PTPN5: variants seen among roughly 807,000 people sequenced by gnomAD.
PTPN5 encodes the protein tyrosine-protein phosphatase non-receptor type 5.
A neutral mutation model predicts 73.9 loss-of-function variants in PTPN5; 29 were observed. The ratio of observed to expected loss-of-function variants is 0.39; its 90% CI spans 0.29 to 0.54. The LOEUF (loss-of-function observed/expected upper bound fraction) is 0.54, where lower values mean the gene tolerates loss of function less well. Among genes scored for constraint, PTPN5 ranks in the 20% least tolerant of loss-of-function variants. The pLI is 0.65. For synonymous variants in PTPN5, 267 were observed against 304.7 expected (o/e 0.88, Z 1.29); for missense variants, 652 against 751.4 (o/e 0.87, Z 1.55).
intron 1 of PTPN5, among the ~76,000 whole-genome samples, chr11:18,785,319 T>C (rs1374219433): frequency 6.6e-6 from 1 of 152,200 alleles, no homozygotes; most frequent in Non-Finnish European, 1.5e-5. Flanking sequence ...TTATTGACTA[T>C]GTGCAACAAT....
chr11:18,786,819 T>C (rs139067201), intron 1 of PTPN5, among the ~76,000 whole-genome samples: 8 of 152,326 alleles, frequency 5.3e-5, no homozygotes, highest in African/African-American at 1.9e-4. Flanking sequence ...GAAGCATTTA[T>C]ATGTCTATAA....
Position 18,742,936 on chromosome 11 carries a change from C to T in PTPN5, c.483+56G>A. The T allele has an allele frequency of 8.6e-7, 1 of 1,168,294 alleles. No homozygotes were observed. Among genetic ancestry groups the T allele is most frequent in the Non-Finnish European group, 1.3e-6 (1 of 798,880 alleles). 72.4% of individuals were successfully genotyped at this position (1,168,294 alleles called of 1,614,324 possible). ...AGTCAGATGGGAGCTGGTAGAAATC[C>T]AGGCCTCAAGGTCAGAGGAGGACAG... On this transcript the variant is annotated intron_variant, in intron 6 of 14. Transcript: ENST00000358540. The surrounding 1 kb of genome is among the most constrained non-coding windows in gnomAD (Gnocchi z 4.1).
intron 1 of PTPN5, 80 bp from the exon 2 acceptor site, chr11:18,772,151 A>T: frequency 1.9e-6 from 1 of 537,432 alleles, no homozygotes; most frequent in South Asian, 2.7e-5. Context: ...TCAGGTAGTT[A>T]AAATCCTGAT....
At position 18,742,552 on chromosome 11, in the gene PTPN5, C is replaced by G. The variant is rs779786567; in HGVS notation, c.484-49G>C. The G allele has an allele frequency of 3.9e-5, 63 of 1,599,584 alleles. No individual in the cohort carries two copies. Among genetic ancestry groups the G allele is most frequent in the Non-Finnish European group, 5.2e-5 (61 of 1,175,652 alleles). ...AGATTTCGGACCACGCTGGCTGCCC[C>G]CCGTGTTCCTGGAGTGCCCATGGGA... On this transcript the variant is annotated intron_variant, in intron 6 of 14. Coordinates refer to ENST00000358540, the MANE Select transcript of PTPN5 (RefSeq NM_006906.2). The surrounding 1 kb of genome is among the most constrained non-coding windows in gnomAD (Gnocchi z 4.1).
intron 3 of PTPN5, among the ~76,000 whole-genome samples, chr11:18,761,924 G>C (rs1044506334): frequency 2.0e-4 from 30 of 152,230 alleles, no homozygotes; most frequent in African/African-American, 5.8e-4. Context: ...GTGTGAGACA[G>C]AGGCAGGCCA....
At chr11:18,743,236 G>C in intron 5 of PTPN5, 86 bp downstream of exon 5, 2 of 1,370,362 alleles carry the variant, frequency 1.5e-6, no homozygotes, top group South Asian at 2.3e-5. Flanking sequence ...TGAACTCAGA[G>C]AAGCCCAATC....
upstream of PTPN5, chr11:18,792,499 T>C (rs1851970395): frequency 6.6e-6 from 1 of 152,560 alleles, no homozygotes. Context: ...ACGCACCTGT[T>C]TTGGTTTTCT....
At position 18,739,469 on chromosome 11, in the gene PTPN5, G is replaced by A. The variant is rs1194169699; in HGVS notation, c.915+1134C>T. Reference sequence around the variant, plus strand: ...CAGTTTGAAGTGGACAGTCCCTGCAGGGGTGGGGCATGGGGCATAAGGCTG... The same window carrying A: ...CAGTTTGAAGTGGACAGTCCCTGCAAGGGTGGGGCATGGGGCATAAGGCTG... On this transcript the variant is annotated intron_variant, in intron 8 of 14. Coordinates refer to ENST00000358540, the MANE Select transcript of PTPN5 (RefSeq NM_006906.2). Among the ~76,000 whole-genome samples, 6 of 152,240 alleles carry A rather than the reference G, an allele frequency of 3.9e-5. No homozygotes were observed. The East Asian group carries it at 1.2e-3, about 29-fold the overall frequency.
intron 1 of PTPN5, among the ~76,000 whole-genome samples, chr11:18,778,655 TTCTA>T (rs761317017): frequency 8.5e-5 from 13 of 152,274 alleles, no homozygotes; most frequent in African/African-American, 1.7e-4. Flanking sequence ...CCTCTTTGCC[TTCTA>T]TCTGATTGTC....
At position 18,737,970 on chromosome 11, in the gene PTPN5, G is replaced by A; in HGVS notation, c.916-6C>T. On this transcript the variant is annotated splice_region_variant and splice_polypyrimidine_tract_variant and intron_variant, in intron 8 of 14. Coordinates refer to ENST00000358540, the MANE Select transcript of PTPN5 (RefSeq NM_006906.2). ...ACAAAGTTCATGGGGATTTCCTGTG[G>A]AAGGAGGACACGGGGTGTGAGCAGC... 6.2e-7 allele frequency: 1 copy of A among 1,613,410 alleles called. No individual in the cohort carries two copies. Among genetic ancestry groups the A allele is most frequent in the Non-Finnish European group, 8.5e-7 (1 of 1,179,320 alleles).
chr11:18,786,201 AT>A (rs57115676), intron 1 of PTPN5, among the ~76,000 whole-genome samples: 107,785 of 147,000 alleles, frequency 0.73, 40,628 homozygotes, highest in South Asian at 0.9. Context: ...GGGGGAATCT[AT>A]TTTTTTTTTT....
rs151174797 is a variant in PTPN5 at position 18,786,724 on chromosome 11, C to T, written c.-114+4801G>A. 3.6e-3 allele frequency among the ~76,000 whole-genome samples: 552 copies of T among 152,296 alleles called. 2 individuals carry two copies. Among genetic ancestry groups the T allele is most frequent in the Non-Finnish European group, 6.6e-3 (451 of 68,022 alleles). On this transcript the variant is annotated intron_variant, in intron 1 of 14. Transcript: ENST00000358540. ...AGATCCTGTGATTCTAAGACTGAGC[C>T]TGCATGTCACCTAGCCCCTCACATG... is the stretch of plus-strand genomic sequence containing the variant.
chr11:18,732,701 T>G lies in PTPN5; in HGVS notation c.1220A>C (p.Lys407Thr), dbSNP rs766470043. The change falls in exon 12 of 15, where the codon AAA becomes ACA. Residue 407 changes from lysine to threonine, a missense_variant and splice_region_variant. Coordinates refer to ENST00000358540, the MANE Select transcript of PTPN5 (RefSeq NM_006906.2). ...MITNIEEMNE[K>T]CTEYWPEEQV... is the part of the protein sequence containing the mutation. The stretch of plus-strand genomic sequence containing the variant: ...CTCCTCCGGCCAATACTCGGTGCAT[T>G]TCTGCAGGGGCCCAGATCAGGCTGC... 1 of 1,613,106 alleles carries G rather than the reference T, an allele frequency of 6.2e-7. No individual in the cohort carries two copies. The highest frequency in any genetic ancestry group is 8.5e-7 in the Non-Finnish European group (1 of 1,179,502).
intron 1 of PTPN5, among the ~76,000 whole-genome samples, chr11:18,774,122 C>T (rs1250246923): frequency 6.6e-6 from 1 of 152,232 alleles, no homozygotes; most frequent in African/African-American, 2.4e-5. Context: ...AGGAAAGTGT[C>T]TTTATCACTC....
chr11:18,748,959 C>G (rs1261639552), intron 3 of PTPN5, among the ~76,000 whole-genome samples: 2 of 152,230 alleles, frequency 1.3e-5, no homozygotes, highest in Non-Finnish European at 2.9e-5. Context: ...TGTCCTGCTC[C>G]TAGAAATGAC....
In PTPN5 at chr11:18,728,842, G is replaced by A. The variant is rs116243741; in HGVS notation, c.*92C>T. 8.8e-4 allele frequency: 1,092 copies of A among 1,240,452 alleles called. 7 individuals are homozygous for A. The African/African-American group carries it at 0.014, about 15-fold the overall frequency. 76.8% of individuals were successfully genotyped at this position (1,240,452 alleles called of 1,614,324 possible). A position where few individuals can be genotyped will look rare whatever the true frequency, so the allele number is the denominator to read the frequency against. On this transcript the variant is annotated 3_prime_UTR_variant, in exon 15 of 15. Transcript: ENST00000358540. This position sits in a 1 kb window ranked among gnomAD's most constrained non-coding sequence, Gnocchi z 4.1. The stretch of plus-strand genomic sequence containing the variant: ...GGGAGCTGACTGAAGGGGAGGAAGC[G>A]GGGAGCAGGCCCAGGACCCGAGGCA...
At chr11:18,748,666 GA>G (rs770570040) in intron 3 of PTPN5, among the ~76,000 whole-genome samples, 45 of 152,086 alleles carry the variant, frequency 3.0e-4, no homozygotes, top group Non-Finnish European at 5.9e-4. Context: ...GTCTGTGATG[GA>G]AATTGGTGTT....
At position 18,733,058 on chromosome 11, in the gene PTPN5, T is replaced by C. The variant is rs1429211301; in HGVS notation, c.1218+177A>G. On this transcript the variant is annotated intron_variant, in intron 11 of 14. Coordinates refer to ENST00000358540, the MANE Select transcript of PTPN5 (RefSeq NM_006906.2). This position sits in a 1 kb window ranked among gnomAD's most constrained non-coding sequence, Gnocchi z 4.3. ...GAGAGGCCACCTCCAGGCATGCCTCTATCTGTGAAGCCCGGGGCAAATGAC... is the reference window on the plus strand; with the variant it reads ...GAGAGGCCACCTCCAGGCATGCCTCCATCTGTGAAGCCCGGGGCAAATGAC... Among the ~76,000 whole-genome samples the C allele has an allele frequency of 3.9e-5, 6 of 152,236 alleles. No individual in the cohort carries two copies. The highest frequency in any genetic ancestry group is 8.8e-5 in the Non-Finnish European group (6 of 68,048).
intron 11 of PTPN5, 51 bp from the exon 12 acceptor site, chr11:18,732,753 C>A (rs374544173): frequency 2.8e-6 from 4 of 1,431,504 alleles, no homozygotes; most frequent in Non-Finnish European, 3.9e-6. Context: ...CTTCCCACAA[C>A]TCTCTACACT....
Sources: allele counts gnomAD v4.1 joint callset (sites outside exome capture counted in the v4.1 genomes callset), GRCh38; gene constraint gnomAD v4.1.1; non-coding constraint Gnocchi (gnomAD v3.1); transcripts MANE v1.5; gene names NCBI Gene and HGNC (gene_info 2026-07-23, HGNC 2026-07-21).